The following CAPN5 variants were observed in gnomAD, a reference collection of about 807,000 sequenced individuals.
The protein encoded by CAPN5 is calpain-5.
CAPN5 carries 54 observed loss-of-function variants against 73.0 expected under a neutral mutation model. The ratio of observed to expected loss-of-function variants is 0.74; its 90% confidence interval spans 0.59 to 0.93. The LOEUF is 0.93. Ranked by LOEUF, CAPN5 falls within the 40% of genes least tolerant of loss-of-function variation. The pLI is 0.00. For synonymous variants in CAPN5, 335 were observed against 356.9 expected (o/e 0.94, Z 0.69); for missense variants, 785 against 882.9 (o/e 0.89, Z 1.41).
At chr11:77,104,055 T>C (rs1464162845) in intron 3 of CAPN5, among the ~76,000 whole-genome samples, 3 of 152,172 alleles carry the variant, frequency 2.0e-5, no homozygotes, top group African/African-American at 7.2e-5. Flanking sequence ...TTCATATGGA[T>C]GTATTCTAGA....
Position 77,123,668 on chromosome 11 carries a change from G to T in CAPN5, c.1741-20G>T. 1 of 1,604,968 alleles carries T rather than the reference G, an allele frequency of 6.2e-7. No homozygotes were observed. Among genetic ancestry groups the T allele is most frequent in the African/African-American group, 1.3e-5 (1 of 74,816 alleles). ...CTTGGAGGTAGCCCGCCCCTCCCAT[G>T]ATCCTCTGTCTCTTCCCAGGTCTGG... is the stretch of plus-strand genomic sequence containing the variant. On this transcript the variant is annotated intron_variant, in intron 12 of 12. Coordinates refer to ENST00000648180, the MANE Select transcript of CAPN5 (RefSeq NM_004055.5).
chr11:77,112,935 C>T (rs1950427175), intron 4 of CAPN5, 138 bp downstream of exon 4: 8 of 802,386 alleles, frequency 1.0e-5, no homozygotes, highest in South Asian at 3.4e-5. Flanking sequence ...CAGGCTCAAC[C>T]GCCAGGCCTG....
intron 2 of CAPN5, among the ~76,000 whole-genome samples, chr11:77,085,425 T>G (rs1555035321): frequency 6.6e-6 from 1 of 152,244 alleles, no homozygotes; most frequent in Non-Finnish European, 1.5e-5. Context: ...GAATTTACTT[T>G]CCTGATTGTT....
chr11:77,081,325 A>G (rs1950026216), intron 1 of CAPN5, among the ~76,000 whole-genome samples: 1 of 152,192 alleles, frequency 6.6e-6, no homozygotes, highest in African/African-American at 2.4e-5. Context: ...CTCTGTGGCC[A>G]GGCCTGTGTG....
At position 77,093,180 on chromosome 11, in the gene CAPN5, G is replaced by A. The variant is rs570772195; in HGVS notation, c.166-502G>A. On this transcript the variant is annotated intron_variant, in intron 2 of 12. Coordinates refer to ENST00000648180, the MANE Select transcript of CAPN5 (RefSeq NM_004055.5). ...AGTGCCATGCGGGGCCTGGCCCACC[G>A]CTCCCCACTGGCCCCTCGCTTTGTG... is the stretch of plus-strand genomic sequence containing the variant. Among the ~76,000 whole-genome samples, 5 of 152,304 alleles carry A rather than the reference G, an allele frequency of 3.3e-5. No individual in the cohort carries two copies. In the South Asian group the frequency reaches 1.0e-3, roughly 32 times the overall value.
intron 3 of CAPN5, among the ~76,000 whole-genome samples, chr11:77,100,276 A>G (rs189928556): frequency 6.6e-6 from 1 of 152,256 alleles, no homozygotes; most frequent in African/African-American, 2.4e-5. Flanking sequence ...GTCTGTGGAC[A>G]TCAGTGGGCC....
chr11:77,114,512 C>G, intron 5 of CAPN5, 78 bp downstream of exon 5: 1 of 1,339,498 alleles, frequency 7.5e-7, no homozygotes, highest in Non-Finnish European at 1.1e-6. Context: ...CTGTGACATC[C>G]CACGCTCAGG....
chr11:77,111,418 G>A (rs782098992), intron 3 of CAPN5, among the ~76,000 whole-genome samples: 7 of 152,144 alleles, frequency 4.6e-5, no homozygotes, highest in Non-Finnish European at 7.4e-5. Context: ...GACGAGTTAC[G>A]TGCCCTCTCT....
At chr11:77,115,219 A>C (rs1950453761) in intron 5 of CAPN5, among the ~76,000 whole-genome samples, 176 bp from the exon 6 acceptor site, 1 of 152,196 alleles carries the variant, frequency 6.6e-6, no homozygotes, top group South Asian at 2.1e-4. Flanking sequence ...ACCTTCCTTT[A>C]CTGAGACTGC....
intron 9 of CAPN5, chr11:77,119,611 G>A (rs574697383): frequency 4.1e-5 from 7 of 169,006 alleles, no homozygotes; most frequent in South Asian, 1.6e-4. Flanking sequence ...TGGCCGCACC[G>A]CCTGGCCTGG....
intron 7 of CAPN5, among the ~76,000 whole-genome samples, chr11:77,117,589 G>A (rs1555041975): frequency 6.6e-6 from 1 of 152,142 alleles, no homozygotes; most frequent in East Asian, 1.9e-4. Context: ...TCTTCCAAAG[G>A]CCTTTCTCTT....
intron 1 of CAPN5, among the ~76,000 whole-genome samples, chr11:77,074,182 G>A (rs1311254311): frequency 6.6e-6 from 1 of 152,188 alleles, no homozygotes; most frequent in Non-Finnish European, 1.5e-5. Context: ...GCCCTTTCTA[G>A]TCCCCTCTGG....
intron 1 of CAPN5, among the ~76,000 whole-genome samples, chr11:77,084,031 G>C (rs1383338386): frequency 1.3e-5 from 2 of 152,208 alleles, no homozygotes; most frequent in Non-Finnish European, 2.9e-5. Flanking sequence ...TTTGAGGGAT[G>C]GGGGCGTGGA....
At chr11:77,103,928 C>T (rs555020949) in intron 3 of CAPN5, among the ~76,000 whole-genome samples, 1 of 152,282 alleles carries the variant, frequency 6.6e-6, no homozygotes, top group East Asian at 1.9e-4. Flanking sequence ...ACCCTGGAGG[C>T]TGTGTAGGCC....
At chr11:77,078,164 C>T (rs1949992690) in intron 1 of CAPN5, among the ~76,000 whole-genome samples, 1 of 152,096 alleles carries the variant, frequency 6.6e-6, no homozygotes, top group Admixed American at 6.6e-5. Flanking sequence ...AACAGCTTTT[C>T]CCATGTTTTC....
chr11:77,093,658 G>T, intron 2 of CAPN5, 24 bp from the exon 3 acceptor site: 1 of 1,553,046 alleles, frequency 6.4e-7, no homozygotes. Flanking sequence ...CGCCCCTCAC[G>T]CTCTCTCCTC....
At chr11:77,100,485 G>T (rs978896449) in intron 3 of CAPN5, among the ~76,000 whole-genome samples, 1 of 152,112 alleles carries the variant, frequency 6.6e-6, no homozygotes, top group Non-Finnish European at 1.5e-5. Context: ...GCCTCCAGAA[G>T]GTCGGTGCCC....
At chr11:77,118,032 C>T (rs1246314757) in intron 7 of CAPN5, 125 bp from the exon 8 acceptor site, 2 of 825,490 alleles carry the variant, frequency 2.4e-6, no homozygotes, top group Non-Finnish European at 3.8e-6. Flanking sequence ...CTTAGCTCCC[C>T]TCTCAAAGCC....
intron 2 of CAPN5, among the ~76,000 whole-genome samples, chr11:77,091,453 A>G (rs766621737): frequency 2.6e-4 from 39 of 152,206 alleles, no homozygotes; most frequent in Non-Finnish European, 4.6e-4. Flanking sequence ...TGGCGGGGAC[A>G]TGGTATTACA....
Sources: gnomAD v4.1 joint callset for allele counts (sites outside exome capture counted in the v4.1 genomes callset) on GRCh38, gnomAD v4.1.1 for gene constraint, MANE v1.5 for transcripts, NCBI Gene and HGNC (gene_info 2026-07-23, HGNC 2026-07-21) for gene names.